The following ABCA3 variants were observed in gnomAD, a reference collection of about 807,000 sequenced individuals.
The protein encoded by ABCA3 is phospholipid-transporting ATPase ABCA3.
A neutral mutation model predicts 172.8 loss-of-function variants in ABCA3; 88 were observed. That is an observed-to-expected ratio of 0.51 (90% CI 0.43 to 0.61). The LOEUF is 0.61. Among genes scored for constraint, ABCA3 ranks in the 20% least tolerant of loss-of-function variants. The pLI, the probability that ABCA3 is intolerant of heterozygous loss-of-function variation, is 0.00. For missense variants in ABCA3, 2,164 were observed against 2,301.0 expected (o/e 0.94, Z 1.22); for synonymous variants, 1,066 against 983.8 (o/e 1.08, Z -1.56).
At chr16:2,291,181 T>C (rs1473309470) in intron 19 of ABCA3, among the ~76,000 whole-genome samples, 1 of 151,258 alleles carries the variant, frequency 6.6e-6, no homozygotes, top group African/African-American at 2.4e-5. Flanking sequence ...ACAAAAAAAC[T>C]AGCTGGGCGT....
intron 14 of ABCA3, 143 bp from the exon 15 acceptor site, chr16:2,298,683 C>G: frequency 1.0e-6 from 1 of 976,940 alleles, no homozygotes; most frequent in Non-Finnish European, 1.5e-6. Flanking sequence ...CCCACTCCCA[C>G]TGGGGTGGGC....
In ABCA3 at chr16:2,279,808, A is replaced by G. The variant is rs1455250032; in HGVS notation, c.4360-678T>C. Reference sequence around the variant, plus strand: ...CCTTACACTGGTAGAGCGCAGTGGCATGATCTCGGCTCACTACAACCTCTG... The same window carrying G: ...CCTTACACTGGTAGAGCGCAGTGGCGTGATCTCGGCTCACTACAACCTCTG... On this transcript the variant is annotated intron_variant, in intron 28 of 32. Transcript: ENST00000301732. The surrounding 1 kb of genome is among the most constrained non-coding windows in gnomAD (Gnocchi z 4.4). 6.7e-6 allele frequency among the ~76,000 whole-genome samples: 1 copy of G among 149,908 alleles called. No homozygotes were observed. The highest frequency in any genetic ancestry group is 2.5e-5 in the African/African-American group (1 of 40,544).
At chr16:2,280,943 C>A (rs2141690505) in intron 28 of ABCA3, 84 bp downstream of exon 28, 2 of 1,563,176 alleles carry the variant, frequency 1.3e-6, no homozygotes, top group Non-Finnish European at 1.8e-6. Context: ...TGTTTGGGGA[C>A]AGCATCCCTC....
At chr16:2,313,406 T>G (rs1482234753) in intron 10 of ABCA3, among the ~76,000 whole-genome samples, 2 of 150,554 alleles carry the variant, frequency 1.3e-5, no homozygotes, top group African/African-American at 2.4e-5. Flanking sequence ...AATACAAAAT[T>G]AGCTGGGCAT....
rs537780175 is a variant in ABCA3 at position 2,289,930 on chromosome 16, G to A, written c.2514-310C>T. 2.0e-5 allele frequency among the ~76,000 whole-genome samples: 3 copies of A among 149,980 alleles called. No individual in the cohort carries two copies. In the South Asian group the frequency reaches 6.3e-4, roughly 32 times the overall value. ...GCATGAACCACCAAGGCTGGCAGAG[G>A]AGGTGATTTTTTAATATTATGTGAA... On this transcript the variant is annotated intron_variant, in intron 19 of 32. Transcript: ENST00000301732.
intron 11 of ABCA3, among the ~76,000 whole-genome samples, chr16:2,307,508 C>T (rs368927879): frequency 1.1e-4 from 17 of 151,956 alleles, no homozygotes; most frequent in African/African-American, 3.9e-4. Context: ...GAGCCAAGAT[C>T]GCACCACTGC....
chr16:2,309,836 T>A (rs1196726709), intron 10 of ABCA3, among the ~76,000 whole-genome samples: 1 of 152,000 alleles, frequency 6.6e-6, no homozygotes, highest in Non-Finnish European at 1.5e-5. Context: ...TCAGGGCTAG[T>A]CTAAAGCTCC....
At chr16:2,312,399 C>T (rs2093707968) in intron 10 of ABCA3, among the ~76,000 whole-genome samples, 1 of 151,958 alleles carries the variant, frequency 6.6e-6, no homozygotes, top group Admixed American at 6.6e-5. Context: ...TGGTTCAGTA[C>T]AAGTACTTTA....
intron 20 of ABCA3, chr16:2,289,188 C>T (rs921971357): frequency 1.4e-5 from 8 of 572,222 alleles, no homozygotes; most frequent in African/African-American, 1.9e-5. Context: ...GCTGGGCACC[C>T]GACAAGCTCC....
In ABCA3 at chr16:2,281,631, T is replaced by G; in HGVS notation, c.4036-122A>C. The G allele has an allele frequency of 2.4e-6, 3 of 1,270,300 alleles. No homozygotes were observed. Among genetic ancestry groups the G allele is most frequent in the Middle Eastern group, 2.6e-4 (1 of 3,844 alleles). The allele number at this position is 1,270,300 out of a possible 1,614,324, so 78.7% of individuals were successfully genotyped here. A position where few individuals can be genotyped will look rare whatever the true frequency, so the allele number is the denominator to read the frequency against. ...GGACTAAGGCCTTCAAGGCTTCTCG[T>G]CCCAATCTCAGGCCCCACAGGTGCG... On this transcript the variant is annotated intron_variant, in intron 26 of 32. Coordinates refer to ENST00000301732, the MANE Select transcript of ABCA3 (RefSeq NM_001089.3). The surrounding 1 kb of genome is among the most constrained non-coding windows in gnomAD (Gnocchi z 4.7).
At chr16:2,314,463 TG>T (rs1420730865) in intron 10 of ABCA3, among the ~76,000 whole-genome samples, 1 of 105,960 alleles carries the variant, frequency 9.4e-6, no homozygotes, top group Non-Finnish European at 1.9e-5. Context: ...GGAAGGGGGG[TG>T]GGGGAGTCAG....
intron 1 of ABCA3, among the ~76,000 whole-genome samples, chr16:2,335,375 A>G (rs879532646): frequency 2.0e-5 from 3 of 151,948 alleles, no homozygotes; most frequent in Non-Finnish European, 2.9e-5. Flanking sequence ...GCTGGAATGC[A>G]GTGGTGTGAT....
chr16:2,311,656 G>C (rs916804104), intron 10 of ABCA3, among the ~76,000 whole-genome samples: 2 of 152,034 alleles, frequency 1.3e-5, no homozygotes, highest in Non-Finnish European at 2.9e-5. Context: ...TGAGTAGATG[G>C]GATTACAGGC....
intron 1 of ABCA3, among the ~76,000 whole-genome samples, chr16:2,339,883 C>T (rs2093757753): frequency 6.6e-6 from 1 of 152,272 alleles, no homozygotes. Flanking sequence ...AGCCAAGACA[C>T]ACGGACGCGA....
At chr16:2,314,803 C>T (rs1182306775) in intron 10 of ABCA3, among the ~76,000 whole-genome samples, 33 of 151,256 alleles carry the variant, frequency 2.2e-4, no homozygotes, top group Admixed American at 1.8e-3. Flanking sequence ...TTCGAACTCC[C>T]GACCTCAGAT....
chr16:2,296,050 G>GACCAC, intron 17 of ABCA3, among the ~76,000 whole-genome samples: 1 of 152,192 alleles, frequency 6.6e-6, no homozygotes, highest in Non-Finnish European at 1.5e-5. Flanking sequence ...AGCAGCGACG[G>GACCAC]ACCACGTGTG....
Position 2,297,442 on chromosome 16 carries a change from A to C in ABCA3, c.2150T>G (p.Val717Gly). 6.2e-7 allele frequency: 1 copy of C among 1,613,806 alleles called. No individual in the cohort carries two copies. The highest frequency in any genetic ancestry group is 8.5e-7 in the Non-Finnish European group (1 of 1,180,020). Residue 717 changes from valine (V) to glycine (G), a missense_variant, in exon 17 of 33, where the codon GTG becomes GGG. Physicochemically the swap from Val to Gly is moderately radical, Grantham distance 109 (BLOSUM62 -3). This residue lies in a region of ABCA3 where 1,343 missense variants were observed against 1,369.6 expected (regional missense o/e 0.98). Transcript: ENST00000301732. The surrounding 1 kb of genome is among the most constrained non-coding windows in gnomAD (Gnocchi z 5.6). Reference protein sequence around the residue: ...LQRQKSDRTIVLTTHFMDEAD... With the variant: ...LQRQKSDRTIGLTTHFMDEAD... ...CTCGTCCATGAAGTGGGTGGTCAGC[A>C]CGATGGTGCGGTCACTTTTCTGCCG...
chr16:2,315,459 T>C (rs2093713750), intron 10 of ABCA3, among the ~76,000 whole-genome samples: 1 of 152,096 alleles, frequency 6.6e-6, no homozygotes, highest in African/African-American at 2.4e-5. Flanking sequence ...TAAAATACTA[T>C]ACAGGAGTGA....
In ABCA3 at chr16:2,297,606, G is replaced by T; in HGVS notation, c.2053-67C>A. The stretch of plus-strand genomic sequence containing the variant: ...ACCCCGGGCCCAGGCTGGCCTTGCG[G>T]TAGGCCCCATCGAGGGGTTCGCGGA... On this transcript the variant is annotated intron_variant, in intron 16 of 32. Transcript: ENST00000301732. This position sits in a 1 kb window ranked among gnomAD's most constrained non-coding sequence, Gnocchi z 5.6. 6.3e-7 allele frequency: 1 copy of T among 1,598,362 alleles called. No homozygotes were observed.
Sources: gnomAD v4.1 joint callset for allele counts (sites outside exome capture counted in the v4.1 genomes callset) on GRCh38, gnomAD v4.1.1 for gene constraint, gnomAD v4.1.1 regional missense constraint, Gnocchi (gnomAD v3.1) non-coding constraint, MANE v1.5 for transcripts, NCBI Gene and HGNC (gene_info 2026-07-23, HGNC 2026-07-21) for gene names.